The following NAB2 variants were observed in gnomAD, a reference collection of about 807,000 sequenced individuals.
NAB2 encodes the protein NGFI-A-binding protein 2.
NAB2 carries 9 observed loss-of-function variants against 44.2 expected under a neutral mutation model. The observed-to-expected ratio is 0.20, with a 90% CI of 0.12 to 0.36. The LOEUF (loss-of-function observed/expected upper bound fraction) is 0.36. Ranked by LOEUF, NAB2 falls within the 10% of genes least tolerant of loss-of-function variation. NAB2 has a pLI of 1.00. For synonymous variants in NAB2, 342 were observed against 291.0 expected, an observed-to-expected ratio of 1.18 and a Z score of -1.78; for missense variants, 514 against 709.0, an observed-to-expected ratio of 0.73 and a Z score of 3.12.
At chr12:57,092,295 T>C in intron 2 of NAB2, 153 bp from the exon 3 acceptor site, 2 of 1,218,064 alleles carry the variant, frequency 1.6e-6, no homozygotes, top group Non-Finnish European at 2.3e-6. Context: ...ACCTCTGTCT[T>C]CCCACCTCAG....
chr12:57,090,493 A>G (rs2033163398), intron 1 of NAB2, among the ~76,000 whole-genome samples: 1 of 152,038 alleles, frequency 6.6e-6, no homozygotes, highest in Non-Finnish European at 1.5e-5. Context: ...ATAAATAAAT[A>G]AATAAATAAA....
chr12:57,092,584 G>A lies in NAB2; in HGVS notation c.1091+3G>A. On this transcript the variant is annotated splice_donor_region_variant and intron_variant, in intron 3 of 6. Transcript: ENST00000300131. ...TTGTCCTCCTTGAAGGGCTCCAGGT[G>A]AGACCCCTTCCCCAGGTCCTTCCTG... is the stretch of plus-strand genomic sequence containing the variant. The A allele has an allele frequency of 6.2e-7, 1 of 1,614,020 alleles. No homozygotes were observed. Among genetic ancestry groups the A allele is most frequent in the Non-Finnish European group, 8.5e-7 (1 of 1,179,954 alleles).
intron 1 of NAB2, among the ~76,000 whole-genome samples, chr12:57,089,752 G>C (rs1312246670): frequency 1.3e-5 from 2 of 152,038 alleles, no homozygotes; most frequent in Non-Finnish European, 1.5e-5. Flanking sequence ...CGGTGCCTTT[G>C]AGTTAAAGGA....
chr12:57,089,171 C>G lies in NAB2; in HGVS notation c.-101C>G, dbSNP rs903588784. The G allele has an allele frequency of 4.9e-6, 6 of 1,235,312 alleles. No individual in the cohort carries two copies. Among genetic ancestry groups the G allele is most frequent in the Middle Eastern group, 2.6e-4 (1 of 3,852 alleles). 76.5% of individuals were successfully genotyped at this position (1,235,312 alleles called of 1,614,324 possible). On this transcript the variant is annotated 5_prime_UTR_variant, in exon 1 of 7. Coordinates refer to ENST00000300131, the MANE Select transcript of NAB2 (RefSeq NM_005967.4). ...CGTGGAGGGAGGGACAGAGCCTGGA[C>G]AGCGGTGGACACGGCATCGTGCGCG...
At chr12:57,089,654 G>T (rs1315861701) in intron 1 of NAB2, among the ~76,000 whole-genome samples, 1 of 152,080 alleles carries the variant, frequency 6.6e-6, no homozygotes, top group Non-Finnish European at 1.5e-5. Context: ...ACCAGGGGAT[G>T]CCCTGGAGCT....
At position 57,089,195 on chromosome 12, in the gene NAB2, C is replaced by CG; in HGVS notation, c.-73dup. 1 of 1,426,194 alleles carries CG rather than the reference C, an allele frequency of 7.0e-7. No homozygotes were observed. Among genetic ancestry groups the CG allele is most frequent in the East Asian group, 2.5e-5 (1 of 40,278 alleles). 88.3% of individuals were successfully genotyped at this position (1,426,194 alleles called of 1,614,324 possible). On this transcript the variant is annotated 5_prime_UTR_variant, in exon 1 of 7. Transcript: ENST00000300131. ...ACAGCGGTGGACACGGCATCGTGCGCGGGGAAGAGGGCAGCACGCAGCAGG... is the reference window on the plus strand; with the variant it reads ...ACAGCGGTGGACACGGCATCGTGCGCGGGGGAAGAGGGCAGCACGCAGCAGG...
intron 5 of NAB2, 42 bp from the exon 6 acceptor site, chr12:57,093,365 A>G (rs2033237535): frequency 1.3e-6 from 2 of 1,494,662 alleles, no homozygotes; most frequent in African/African-American, 1.4e-5. Flanking sequence ...TGGGGGTTCC[A>G]TTGGCTGCAG....
chr12:57,094,412 C>A (rs116608496), intron 6 of NAB2, among the ~76,000 whole-genome samples, 200 bp from the exon 7 acceptor site: 1 of 151,656 alleles, frequency 6.6e-6, no homozygotes, highest in Non-Finnish European at 1.5e-5. Flanking sequence ...GACAGAGCTA[C>A]GCACAGCCAG....
chr12:57,094,682 G>A lies in NAB2; in HGVS notation c.1539G>A (p.Arg513=). The A allele has an allele frequency of 6.4e-7, 1 of 1,554,862 alleles. No homozygotes were observed. Among genetic ancestry groups the A allele is most frequent in the Non-Finnish European group, 8.7e-7 (1 of 1,148,846 alleles). The part of the protein sequence containing the change: ...GPHPALVEGR[R]SSVKVEAEAS... ...ATCCCGCGCTGGTGGAGGGTCGCAG[G>A]AGCAGCGTGAAAGTGGAGGCTGAGG... is the stretch of plus-strand genomic sequence containing the variant. The change falls in exon 7 of 7, where the codon AGG becomes AGA. Residue 513 remains arginine (R), a synonymous_variant. Transcript: ENST00000300131.
chr12:57,089,470 G>A, intron 1 of NAB2, 116 bp downstream of exon 1: 1 of 792,392 alleles, frequency 1.3e-6, no homozygotes, highest in Admixed American at 3.0e-5. Flanking sequence ...GGGGGTGGGG[G>A]GTGGAGACTG....
At chr12:57,092,678 C>T in intron 3 of NAB2, 97 bp downstream of exon 3, 1 of 1,481,290 alleles carries the variant, frequency 6.8e-7, no homozygotes, top group Non-Finnish European at 9.1e-7. Context: ...GGCCTGCTTC[C>T]CGCCCACCTG....
At chr12:57,092,706 C>A (rs544812683) in intron 3 of NAB2, 125 bp downstream of exon 3, 92 of 1,393,136 alleles carry the variant, frequency 6.6e-5, no homozygotes, top group Non-Finnish European at 8.2e-5. Flanking sequence ...TGCTTTTGGC[C>A]AAGTCAGCTT....
intron 3 of NAB2, 26 bp from the exon 4 acceptor site, chr12:57,092,891 C>T: frequency 6.2e-7 from 1 of 1,613,922 alleles, no homozygotes; most frequent in Non-Finnish European, 8.5e-7. Flanking sequence ...CAGCCTCATC[C>T]ACTTTATTCT....
intron 6 of NAB2, among the ~76,000 whole-genome samples, chr12:57,094,027 G>GGGCC (rs1233811556): frequency 6.6e-6 from 1 of 151,940 alleles, no homozygotes; most frequent in East Asian, 1.9e-4. Context: ...AAGAGGGAGT[G>GGGCC]GGCAGGCGGA....
rs1203889324 is a variant in NAB2 at position 57,093,060 on chromosome 12, C to T, written c.1144-3C>T. The stretch of plus-strand genomic sequence containing the variant: ...TTCATTTCCCCATGTTGGGCATCCA[C>T]AGGTTGGAGAACAGAGTCACCCTGA... On this transcript the variant is annotated splice_polypyrimidine_tract_variant and splice_region_variant and intron_variant, in intron 4 of 6. Transcript: ENST00000300131. 5 of 1,613,672 alleles carry T rather than the reference C, an allele frequency of 3.1e-6. No homozygotes were observed. Among genetic ancestry groups the T allele is most frequent in the Admixed American group, 1.7e-5 (1 of 59,988 alleles).
At chr12:57,093,006 C>G in intron 4 of NAB2, 38 bp downstream of exon 4, 2 of 1,614,176 alleles carry the variant, frequency 1.2e-6, no homozygotes, top group Non-Finnish European at 1.7e-6. Context: ...CACTGGGCAG[C>G]CTTCCCCAAT....
chr12:57,092,045 C>G lies in NAB2; in HGVS notation c.957+47C>G, dbSNP rs1025655164. ...AGGATTGCCCTTGACTTCCAGGTCT[C>G]CAGCCGCTTACCTCTGCGAGTTTCT... On this transcript the variant is annotated intron_variant, in intron 2 of 6. Transcript: ENST00000300131. The G allele has an allele frequency of 3.8e-6, 6 of 1,559,706 alleles. No homozygotes were observed. The African/African-American group carries it at 6.8e-5, about 18-fold the overall frequency.
chr12:57,094,892 C>T lies in NAB2; in HGVS notation c.*171C>T, dbSNP rs980645864. The T allele has an allele frequency of 9.7e-6, 6 of 616,980 alleles. No homozygotes were observed. Among genetic ancestry groups the T allele is most frequent in the Non-Finnish European group, 1.7e-5 (6 of 352,018 alleles). The allele number at this position is 616,980 out of a possible 1,614,324, so 38.2% of individuals were successfully genotyped here. A position where few individuals can be genotyped will look rare whatever the true frequency, so the allele number is the denominator to read the frequency against. On this transcript the variant is annotated 3_prime_UTR_variant, in exon 7 of 7. Transcript: ENST00000300131. The stretch of plus-strand genomic sequence containing the variant: ...CTGTGGGGCTTCAAGCAATAACAAG[C>T]AGAGGCCTGGAGAGAGGACACAAGG...
chr12:57,089,866 T>A (rs1565672430), intron 1 of NAB2, among the ~76,000 whole-genome samples: 1 of 152,172 alleles, frequency 6.6e-6, no homozygotes. Context: ...GGAGTTTCAG[T>A]GTGCAGCCCC....
Sources: gnomAD v4.1 joint callset for allele counts (sites outside exome capture counted in the v4.1 genomes callset) on GRCh38, gnomAD v4.1.1 for gene constraint, MANE v1.5 for transcripts, NCBI Gene and HGNC (gene_info 2026-07-23, HGNC 2026-07-21) for gene names.